The following ARL17A variants were observed in gnomAD, a reference collection of about 807,000 sequenced individuals.
ARL17A encodes the protein ADP-ribosylation factor-like 17-like.
At chr17:46,501,615 G>C in the ARL17A span, among the ~76,000 whole-genome samples, 1 of 151,202 alleles carries the variant, frequency 6.6e-6, no homozygotes, top group Non-Finnish European at 1.5e-5. Flanking sequence ...AGTTCTCAGA[G>C]GATGGAAACA....
At chr17:46,532,143 C>T (rs1482040116) in intron 4 of ARL17A, among the ~76,000 whole-genome samples, 1 of 149,648 alleles carries the variant, frequency 6.7e-6, no homozygotes, top group Non-Finnish European at 1.5e-5. Flanking sequence ...AGATGATCCA[C>T]CTGCTTCAGC....
chr17:46,529,195 G>A lies in ARL17A; in HGVS notation c.336-336C>T, dbSNP rs1254411151. On this transcript the variant is annotated intron_variant, in intron 4 of 4. Coordinates refer to the ARL17A transcript ENST00000329240. ...TGGACCTGTACAGAAGAATTTGGAG[G>A]GAAAAAAAAGAACAAGCAAGAAATG... 3.7e-5 allele frequency among the ~76,000 whole-genome samples: 5 copies of A among 133,686 alleles called. No individual in the cohort carries two copies. The East Asian group carries it at 9.9e-4, about 27-fold the overall frequency. 87.7% of individuals were successfully genotyped at this position (133,686 alleles called of 152,430 possible).
At chr17:46,530,476 C>A (rs918894284) in intron 4 of ARL17A, among the ~76,000 whole-genome samples, 4 of 134,306 alleles carry the variant, frequency 3.0e-5, no homozygotes, top group African/African-American at 1.2e-4. Flanking sequence ...GATCACAAGG[C>A]AGGACAAGCT....
downstream of ARL17A, chr17:46,549,025 A>T: frequency 6.2e-7 from 1 of 1,612,376 alleles, no homozygotes. Flanking sequence ...GAAGACGTCT[A>T]AACCAATCGT....
chr17:46,551,125 T>TG (rs577762162), downstream of ARL17A, among the ~76,000 whole-genome samples: 577 of 149,930 alleles, frequency 3.8e-3, 8 homozygotes, highest in African/African-American at 0.014. Context: ...CTAGACCCTC[T>TG]GTGAGATGTG....
chr17:46,548,923 G>T (rs2056495278), downstream of ARL17A: 1 of 1,612,548 alleles, frequency 6.2e-7, no homozygotes, highest in African/African-American at 1.4e-5. Context: ...CTCCAGCCCT[G>T]CAAAAGCCCT....
intron 4 of ARL17A, among the ~76,000 whole-genome samples, chr17:46,534,864 C>T (rs1308608854): frequency 2.0e-5 from 3 of 149,456 alleles, no homozygotes; most frequent in Non-Finnish European, 2.9e-5. Flanking sequence ...GGCTGCCGGG[C>T]AGAGGGGCTC....
At chr17:46,504,913 AAATT>A in the ARL17A span, among the ~76,000 whole-genome samples, 1 of 122,518 alleles carries the variant, frequency 8.2e-6, no homozygotes, top group Non-Finnish European at 1.6e-5. Flanking sequence ...ATTAATTAAT[AAATT>A]TATTTAATAA....
rs368292048 is a variant in ARL17A at position 46,540,201 on chromosome 17, A to G, written c.260-1775T>C. 89 of 1,606,036 alleles carry G rather than the reference A, an allele frequency of 5.5e-5. 3 individuals carry two copies. The African/African-American group carries it at 1.2e-3, about 22-fold the overall frequency. On this transcript the variant is annotated intron_variant, in intron 3 of 4. Coordinates refer to the ARL17A transcript ENST00000329240. ...AATTCTCAATCACAATCCTCTGACA[A>G]CTGTTGAAGATCCGTATCTCTTTAA... is the stretch of plus-strand genomic sequence containing the variant.
intron 3 of ARL17A, among the ~76,000 whole-genome samples, chr17:46,545,216 G>C (rs1215838246): frequency 7.3e-6 from 1 of 136,766 alleles, no homozygotes; most frequent in Non-Finnish European, 1.5e-5. Flanking sequence ...AGGATTGCTT[G>C]AGCCCAGGAG....
At chr17:46,548,973 T>G (rs1245207147), downstream of ARL17A, 1 of 1,612,274 alleles carries the variant, frequency 6.2e-7, no homozygotes, top group Non-Finnish European at 8.5e-7. Flanking sequence ...TAACCCACGC[T>G]ATTTCCATTT....
At chr17:46,548,437 T>G (rs529216425), downstream of ARL17A, 450 of 889,992 alleles carry the variant, frequency 5.1e-4, 25 homozygotes, top group African/African-American at 0.016. Context: ...TGGCATCAAC[T>G]TGTCAGGCTT....
rs1474430948 is a variant in ARL17A at position 46,544,979 on chromosome 17, C to T, written c.260-6553G>A. 2.8e-5 allele frequency among the ~76,000 whole-genome samples: 4 copies of T among 140,362 alleles called. No homozygotes were observed. The East Asian group carries it at 8.5e-4, about 30-fold the overall frequency. The allele number at this position is 140,362 out of a possible 152,430, so 92.1% of individuals were successfully genotyped here. On this transcript the variant is annotated intron_variant, in intron 3 of 4. Transcript: ENST00000329240. Reference sequence around the variant, plus strand: ...AAGATAGTTGTCTTGTAAATTGTCCCACAATCCAGATTTGTCTGTTTCCTC... The same window carrying T: ...AAGATAGTTGTCTTGTAAATTGTCCTACAATCCAGATTTGTCTGTTTCCTC...
chr17:46,568,974 G>A (rs2057616118), intron 3 of ARL17A, among the ~76,000 whole-genome samples: 1 of 101,604 alleles, frequency 9.8e-6, no homozygotes, highest in Non-Finnish European at 1.9e-5. Context: ...ATGGAGTCTC[G>A]CCCTGTCGCC....
the ARL17A span, among the ~76,000 whole-genome samples, chr17:46,501,447 C>G: frequency 3.3e-5 from 5 of 151,244 alleles, 1 homozygote; most frequent in Admixed American, 3.3e-4. Context: ...AGTGCTGAGA[C>G]TACAGGTGTG....
At chr17:46,544,455 C>T (rs1216130385) in intron 3 of ARL17A, among the ~76,000 whole-genome samples, 12 of 1,764 alleles carry the variant, frequency 6.8e-3, no homozygotes, top group Non-Finnish European at 8.7e-3. Context: ...CTCTGCAACA[C>T]AATAATTATA....
the ARL17A span, among the ~76,000 whole-genome samples, chr17:46,503,007 T>G: frequency 6.6e-6 from 1 of 150,652 alleles, no homozygotes; most frequent in African/African-American, 2.5e-5. Context: ...TGTCAGGAGA[T>G]GGAGATCATC....
At chr17:46,522,531 G>A (rs1396373559) in intron 3 of ARL17A, among the ~76,000 whole-genome samples, 2 of 91,452 alleles carry the variant, frequency 2.2e-5, no homozygotes, top group South Asian at 5.1e-4. Flanking sequence ...TGCAAGGTCC[G>A]CCTCCTGGGT....
chr17:46,541,137 CCT>C (rs1292705910), intron 3 of ARL17A, among the ~76,000 whole-genome samples: 2 of 133,478 alleles, frequency 1.5e-5, no homozygotes, highest in South Asian at 4.6e-4. Context: ...ACCATCAGCC[CCT>C]GTTAGCTACT....
Sources: allele counts gnomAD v4.1 joint callset (sites outside exome capture counted in the v4.1 genomes callset), GRCh38; gene constraint gnomAD v4.1.1; transcripts MANE v1.5; gene names NCBI Gene and HGNC (gene_info 2026-07-23, HGNC 2026-07-21).